BMP2K: variants seen among roughly 807,000 people sequenced by gnomAD.
The protein encoded by BMP2K is BMP-2-inducible protein kinase.
Under a neutral mutation model 116.0 loss-of-function variants are expected in BMP2K, and 74 were observed. The observed-to-expected ratio is 0.64, with a 90% confidence interval of 0.53 to 0.77. The LOEUF is 0.77. BMP2K is among the 30% of genes least tolerant of loss of function. The pLI is 0.00. For synonymous variants in BMP2K, 486 were observed against 502.5 expected (o/e 0.97, Z 0.44); for missense variants, 1,365 against 1,403.6 (o/e 0.97, Z 0.44).
intron 2 of BMP2K, among the ~76,000 whole-genome samples, chr4:78,829,010 A>T (rs139073657): frequency 6.6e-6 from 1 of 152,332 alleles, no homozygotes; most frequent in East Asian, 1.9e-4. Flanking sequence ...GAGCGGTAGG[A>T]TATAAATAAC....
intron 1 of BMP2K, among the ~76,000 whole-genome samples, chr4:78,805,093 T>C (rs1320087425): frequency 6.6e-6 from 1 of 152,220 alleles, no homozygotes; most frequent in Non-Finnish European, 1.5e-5. Flanking sequence ...TTGTATATGA[T>C]GTGAGTTATA....
At chr4:78,779,740 CAG>C (rs567031214) in intron 1 of BMP2K, among the ~76,000 whole-genome samples, 170 of 152,264 alleles carry the variant, frequency 1.1e-3, no homozygotes, top group Non-Finnish European at 2.1e-3. Flanking sequence ...AGCAGATTCT[CAG>C]GGGTAGGTTG....
intron 1 of BMP2K, among the ~76,000 whole-genome samples, chr4:78,805,127 G>A (rs894630463): frequency 1.2e-4 from 18 of 152,288 alleles, no homozygotes; most frequent in African/African-American, 3.8e-4. Flanking sequence ...TCATTTGCAT[G>A]TTAATAGCCA....
intron 1 of BMP2K, among the ~76,000 whole-genome samples, chr4:78,824,660 T>C (rs1729785802): frequency 1.3e-5 from 2 of 152,340 alleles, no homozygotes; most frequent in South Asian, 4.1e-4. Flanking sequence ...TAATAGTTTT[T>C]TTCCTTTTAC....
rs1734941144 is a variant in BMP2K, at chr4:78,915,224, A to T, written c.*3191A>T. ...TTCAGTCTTACCCTGTTTATTGTTT[A>T]AGAGTGATAGACTGTTGTCCTCTTG... On this transcript the variant is annotated 3_prime_UTR_variant, in exon 16 of 16. Transcript: ENST00000502613. 6.6e-6 allele frequency: 1 copy of T among 152,010 alleles called. No homozygotes were observed. The highest frequency in any genetic ancestry group is 2.4e-5 in the African/African-American group (1 of 41,430). 9.4% of individuals were successfully genotyped at this position (152,010 alleles called of 1,614,324 possible). A position where few individuals can be genotyped will look rare whatever the true frequency, so the allele number is the denominator to read the frequency against.
intron 7 of BMP2K, among the ~76,000 whole-genome samples, chr4:78,852,879 C>T (rs1021880272): frequency 6.6e-6 from 1 of 152,200 alleles, no homozygotes; most frequent in Non-Finnish European, 1.5e-5. Context: ...GTTGGGATTA[C>T]AGACATGAAC....
chr4:78,890,826 C>G (rs1733394163), intron 15 of BMP2K, among the ~76,000 whole-genome samples: 1 of 152,134 alleles, frequency 6.6e-6, no homozygotes, highest in African/African-American at 2.4e-5. Flanking sequence ...TCTTCTCATC[C>G]TTTTTCTTGG....
intron 2 of BMP2K, among the ~76,000 whole-genome samples, chr4:78,829,729 G>A (rs1365969147): frequency 6.6e-6 from 1 of 150,946 alleles, no homozygotes; most frequent in Non-Finnish European, 1.5e-5. Flanking sequence ...AAGAATGGAT[G>A]TTGTGTTAGC....
In BMP2K at chr4:78,847,561, G is replaced by T. The variant is rs571113910; in HGVS notation, c.750+292G>T. Among the ~76,000 whole-genome samples the T allele has an allele frequency of 5.9e-5, 9 of 151,452 alleles. No individual in the cohort carries two copies. The South Asian group carries it at 1.7e-3, about 28-fold the overall frequency. ...ATATATGAGTGTTAACATTTTTTTT[G>T]AGTGGAATTTTGGTTGATCAAAATA... On this transcript the variant is annotated intron_variant, in intron 6 of 15. Coordinates refer to ENST00000502613, the MANE Select transcript of BMP2K (RefSeq NM_198892.2).
intron 1 of BMP2K, among the ~76,000 whole-genome samples, chr4:78,817,499 C>T (rs1560512932): frequency 6.6e-6 from 1 of 152,180 alleles, no homozygotes; most frequent in Non-Finnish European, 1.5e-5. Flanking sequence ...TGAACAGGTA[C>T]ATAGCACAAG....
chr4:78,909,221 A>G (rs367952748), intron 15 of BMP2K, among the ~76,000 whole-genome samples: 194 of 151,948 alleles, frequency 1.3e-3, no homozygotes, highest in African/African-American at 4.4e-3. Context: ...TATTTTTAGT[A>G]GAGATGGGGT....
chr4:78,789,946 G>A (rs1727918252), intron 1 of BMP2K, among the ~76,000 whole-genome samples: 1 of 152,194 alleles, frequency 6.6e-6, no homozygotes. Context: ...CTGAAGTGCT[G>A]TAATATCGGA....
At chr4:78,778,640 A>G (rs926682380) in intron 1 of BMP2K, among the ~76,000 whole-genome samples, 1 of 152,214 alleles carries the variant, frequency 6.6e-6, no homozygotes, top group Non-Finnish European at 1.5e-5. Flanking sequence ...GGAATTGTCT[A>G]TGTATAATCA....
intron 9 of BMP2K, among the ~76,000 whole-genome samples, chr4:78,862,098 T>C (rs1307431796): frequency 6.6e-6 from 1 of 152,048 alleles, no homozygotes; most frequent in African/African-American, 2.4e-5. Context: ...GGTATAATAC[T>C]ACATTTGGGG....
intron 10 of BMP2K, among the ~76,000 whole-genome samples, chr4:78,868,975 G>A (rs886543228): frequency 6.6e-5 from 10 of 152,168 alleles, no homozygotes; most frequent in Admixed American, 6.5e-4. Flanking sequence ...GGGGTCTGGA[G>A]GATGGTGGCC....
At chr4:78,910,126 C>T (rs1341625669) in intron 15 of BMP2K, among the ~76,000 whole-genome samples, 4 of 152,078 alleles carry the variant, frequency 2.6e-5, no homozygotes, top group Non-Finnish European at 5.9e-5. Context: ...ATAAAAAATA[C>T]AATGCTGATT....
At chr4:78,823,679 T>C (rs1264380374) in intron 1 of BMP2K, among the ~76,000 whole-genome samples, 1 of 151,204 alleles carries the variant, frequency 6.6e-6, no homozygotes, top group African/African-American at 2.4e-5. Flanking sequence ...TGGGGCCCCA[T>C]TATAGGCCTA....
intron 1 of BMP2K, among the ~76,000 whole-genome samples, chr4:78,812,857 G>A (rs1316323314): frequency 1.3e-5 from 2 of 151,522 alleles, no homozygotes; most frequent in East Asian, 3.9e-4. Context: ...ACATAGTGAG[G>A]CCCCCCACAC....
chr4:78,871,860 C>T lies in BMP2K; in HGVS notation c.1520C>T (p.Ala507Val), dbSNP rs1183042624. Residue 507 changes from alanine (A) to valine (V), a missense_variant, in exon 12 of 16, where the codon GCA becomes GTA. Transcript: ENST00000502613. ...ATTTTCTCGTTGTAGTATCAACATG[C>T]AACACAGCAGCAACAGATGCTTCAA... The part of the protein sequence containing the change: ...QDAYMQQYQH[A>V]TQQQQMLQQQ... 2 of 1,610,516 alleles carry T rather than the reference C, an allele frequency of 1.2e-6. No individual in the cohort carries two copies. The highest frequency in any genetic ancestry group is 1.1e-5 in the South Asian group (1 of 90,376).
Sources: gnomAD v4.1 joint callset for allele counts (sites outside exome capture counted in the v4.1 genomes callset) on GRCh38, gnomAD v4.1.1 for gene constraint, MANE v1.5 for transcripts, NCBI Gene and HGNC (gene_info 2026-07-23, HGNC 2026-07-21) for gene names.